Variants in THEMIS observed in about 807,000 individuals in gnomAD.
THEMIS encodes the protein thymocyte selection associated.
A neutral mutation model predicts 52.6 loss-of-function variants in THEMIS; 37 were observed. The observed-to-expected ratio is 0.70, with a 90% CI of 0.54 to 0.93. The LOEUF is 0.93. Among genes scored for constraint, THEMIS ranks in the 40% least tolerant of loss-of-function variants. The pLI is 0.00. For missense variants in THEMIS, 808 were observed against 763.1 expected, an observed-to-expected ratio of 1.06 and a Z score of -0.69; for synonymous variants, 292 against 272.7, an observed-to-expected ratio of 1.07 and a Z score of -0.70.
At chr6:127,763,560 T>G (rs1192717425) in intron 4 of THEMIS, among the ~76,000 whole-genome samples, 1 of 151,976 alleles carries the variant, frequency 6.6e-6, no homozygotes, top group East Asian at 1.9e-4. Flanking sequence ...CTCTCCTTAC[T>G]TATCATGATC....
intron 4 of THEMIS, among the ~76,000 whole-genome samples, chr6:127,736,110 C>T (rs1774996501): frequency 6.6e-6 from 1 of 152,010 alleles, no homozygotes; most frequent in African/African-American, 2.4e-5. Context: ...GATGTTTGGC[C>T]CAGTTGTCTT....
intron 4 of THEMIS, among the ~76,000 whole-genome samples, chr6:127,799,568 TTTC>T (rs1777457309): frequency 6.6e-6 from 1 of 151,238 alleles, no homozygotes. Context: ...TCTTTCTTTC[TTTC>T]TTTCTTTCTT....
At chr6:127,914,375 T>C (rs369279272) in intron 1 of THEMIS, among the ~76,000 whole-genome samples, 11 of 152,192 alleles carry the variant, frequency 7.2e-5, no homozygotes, top group African/African-American at 2.4e-4. Context: ...AAGGGACGAT[T>C]TCATTATGAA....
intron 1 of THEMIS, among the ~76,000 whole-genome samples, chr6:127,910,783 T>TATA (rs1176168775): frequency 6.6e-6 from 1 of 152,122 alleles, no homozygotes; most frequent in Non-Finnish European, 1.5e-5. Context: ...AATATTGAGA[T>TATA]ATTATTATTA....
chr6:127,900,734 C>A, intron 1 of THEMIS, 108 bp downstream of exon 1: 1 of 951,264 alleles, frequency 1.1e-6, no homozygotes, highest in Non-Finnish European at 1.7e-6. Context: ...ATCGCCTTTC[C>A]TTTACCAGAA....
chr6:127,721,620 A>C (rs1235201715), intron 4 of THEMIS, among the ~76,000 whole-genome samples: 2 of 151,904 alleles, frequency 1.3e-5, no homozygotes, highest in East Asian at 3.9e-4. Context: ...AAACCACCCC[A>C]CTTGTTTATT....
chr6:127,880,199 G>A (rs1467690204), intron 1 of THEMIS, among the ~76,000 whole-genome samples: 2 of 151,938 alleles, frequency 1.3e-5, no homozygotes, highest in Non-Finnish European at 2.9e-5. Context: ...AAGTAAATTT[G>A]CGTCAAACAG....
At chr6:127,903,656 T>C (rs1423811447), upstream of THEMIS, among the ~76,000 whole-genome samples, 1 of 151,476 alleles carries the variant, frequency 6.6e-6, no homozygotes, top group African/African-American at 2.4e-5. Flanking sequence ...TGAGTAGTAA[T>C]TGAAGGAAAA....
intron 1 of THEMIS, among the ~76,000 whole-genome samples, chr6:127,863,765 G>T (rs1415428402): frequency 6.6e-6 from 1 of 152,168 alleles, no homozygotes; most frequent in Non-Finnish European, 1.5e-5. Context: ...GTAGCTGTCA[G>T]AGATGTCCAA....
chr6:127,903,125 AT>A (rs1053756809), upstream of THEMIS, among the ~76,000 whole-genome samples: 1 of 151,844 alleles, frequency 6.6e-6, no homozygotes, highest in Non-Finnish European at 1.5e-5. Context: ...GTGAGATGCC[AT>A]TTTTTTTCTC....
chr6:127,812,850 T>C (rs780702542), intron 4 of THEMIS, 33 bp downstream of exon 4: 1 of 1,531,984 alleles, frequency 6.5e-7, no homozygotes, highest in Non-Finnish European at 8.8e-7. Flanking sequence ...AGGAACACAC[T>C]CCAGAGAAAA....
intron 1 of THEMIS, among the ~76,000 whole-genome samples, chr6:127,882,760 A>G (rs1363693532): frequency 6.6e-6 from 1 of 151,982 alleles, no homozygotes; most frequent in Non-Finnish European, 1.5e-5. Flanking sequence ...TTGTCTAAGT[A>G]TTTAAAACCT....
chr6:127,797,155 G>C (rs930275162), intron 4 of THEMIS, among the ~76,000 whole-genome samples: 10 of 152,096 alleles, frequency 6.6e-5, no homozygotes, highest in African/African-American at 2.4e-4. Context: ...TTTCTTTTTT[G>C]ACTTCTCCAG....
At chr6:127,882,658 A>G (rs554040699) in intron 1 of THEMIS, among the ~76,000 whole-genome samples, 1 of 152,026 alleles carries the variant, frequency 6.6e-6, no homozygotes, top group East Asian at 1.9e-4. Context: ...GTGATAGGCC[A>G]TATTTCATTA....
intron 1 of THEMIS, among the ~76,000 whole-genome samples, chr6:127,873,654 C>G (rs1449248177): frequency 3.9e-5 from 6 of 152,136 alleles, no homozygotes; most frequent in African/African-American, 1.4e-4. Context: ...AGGGCACTGG[C>G]CTTGTGCAGT....
rs140812047 is a variant in THEMIS at position 127,893,651 on chromosome 6, T to C, written c.91+7191A>G. Among the ~76,000 whole-genome samples, 943 of 152,228 alleles carry C rather than the reference T, an allele frequency of 6.2e-3. 15 individuals are homozygous for C. The highest frequency in any genetic ancestry group is 0.022 in the African/African-American group (909 of 41,536). On this transcript the variant is annotated intron_variant, in intron 1 of 5. Coordinates refer to ENST00000368248, the MANE Select transcript of THEMIS (RefSeq NM_001010923.3). ...CTTGTGATGAACATTCTCCCTATTA[T>C]CACTGTGGTTGTCAACGGCGAGTAT...
At chr6:127,739,121 G>A (rs1427199709) in intron 4 of THEMIS, among the ~76,000 whole-genome samples, 1 of 152,038 alleles carries the variant, frequency 6.6e-6, no homozygotes, top group Non-Finnish European at 1.5e-5. Context: ...ATATTGTGAT[G>A]GCATTCACAG....
intron 4 of THEMIS, among the ~76,000 whole-genome samples, chr6:127,768,995 T>C (rs1024023217): frequency 6.6e-6 from 1 of 152,178 alleles, no homozygotes; most frequent in African/African-American, 2.4e-5. Flanking sequence ...TGTTGCAGTG[T>C]TTCAAACACA....
At chr6:127,738,497 A>G (rs1409113652) in intron 4 of THEMIS, among the ~76,000 whole-genome samples, 1 of 152,146 alleles carries the variant, frequency 6.6e-6, no homozygotes, top group Non-Finnish European at 1.5e-5. Context: ...TTGTCAATTT[A>G]ACTTCTCTAA....
Sources: allele counts gnomAD v4.1 joint callset (sites outside exome capture counted in the v4.1 genomes callset), GRCh38; gene constraint gnomAD v4.1.1; transcripts MANE v1.5; gene names NCBI Gene and HGNC (gene_info 2026-07-23, HGNC 2026-07-21).